Variants in TMEM268 observed in about 807,000 individuals in gnomAD.
TMEM268 encodes transmembrane protein C9orf91.
TMEM268 carries 24 observed loss-of-function variants against 39.1 expected under a neutral mutation model. The ratio of observed to expected loss-of-function variants is 0.61; its 90% CI spans 0.44 to 0.86. The LOEUF (loss-of-function observed/expected upper bound fraction) is 0.86, where lower values mean the gene tolerates loss of function less well. Ranked by LOEUF, TMEM268 falls within the 40% of genes least tolerant of loss-of-function variation. TMEM268 has a pLI of 0.00. For synonymous variants in TMEM268, 176 were observed against 173.5 expected (o/e 1.01, Z -0.12); for missense variants, 409 against 428.6 (o/e 0.95, Z 0.40).
At chr9:114,608,132 A>G (rs1362990444), upstream of TMEM268, among the ~76,000 whole-genome samples, 1 of 152,162 alleles carries the variant, frequency 6.6e-6, no homozygotes, top group Non-Finnish European at 1.5e-5. Context: ...TCTCCATTCT[A>G]CATGAGCACC....
At chr9:114,619,666 C>T (rs1027435644) in intron 2 of TMEM268, among the ~76,000 whole-genome samples, 22 of 152,168 alleles carry the variant, frequency 1.4e-4, no homozygotes, top group Admixed American at 3.3e-4. Flanking sequence ...ACCTTCCCTT[C>T]TTGCTTCTTG....
upstream of TMEM268, among the ~76,000 whole-genome samples, chr9:114,610,145 T>G (rs62578854): frequency 0.084 from 12,747 of 152,110 alleles, 596 homozygotes; most frequent in South Asian, 0.14. Flanking sequence ...GTTCAAGCGA[T>G]TCTCCTGCCT....
chr9:114,631,976 G>T lies in TMEM268; in HGVS notation c.475-1792G>T, dbSNP rs1450916695. Among the ~76,000 whole-genome samples, 10 of 151,648 alleles carry T rather than the reference G, an allele frequency of 6.6e-5. No individual in the cohort carries two copies. In the Admixed American group the frequency reaches 6.6e-4, roughly 10 times the overall value. On this transcript the variant is annotated intron_variant, in intron 5 of 8. Transcript: ENST00000288502. ...GTTAGCTGAGTGTGGTGGCATGCATGTGTGGTCCCAGCTGCTTGGGAGGCT... is the reference window on the plus strand; with the variant it reads ...GTTAGCTGAGTGTGGTGGCATGCATTTGTGGTCCCAGCTGCTTGGGAGGCT...
Position 114,643,389 on chromosome 9 carries a change from G to A in TMEM268, c.*76G>A. 7.4e-7 allele frequency: 1 copy of A among 1,357,050 alleles called. No homozygotes were observed. The allele number at this position is 1,357,050 out of a possible 1,614,324, so 84.1% of individuals were successfully genotyped here. A position where few individuals can be genotyped will look rare whatever the true frequency, so the allele number is the denominator to read the frequency against. On this transcript the variant is annotated 3_prime_UTR_variant, in exon 9 of 9. Transcript: ENST00000288502. ...CTTCAGGAGCCCAAGATGGCCAATGGGGAGCCCCAGGTGAGGAGAGAAGCA... is the reference window on the plus strand; with the variant it reads ...CTTCAGGAGCCCAAGATGGCCAATGAGGAGCCCCAGGTGAGGAGAGAAGCA...
chr9:114,616,442 T>C (rs1296085312), intron 1 of TMEM268, among the ~76,000 whole-genome samples: 13 of 152,172 alleles, frequency 8.5e-5, no homozygotes, highest in Non-Finnish European at 1.5e-5. Context: ...CTCAGCTCAC[T>C]GCAACCTCTG....
At chr9:114,639,956 C>G (rs1846821944) in intron 8 of TMEM268, among the ~76,000 whole-genome samples, 2 of 150,068 alleles carry the variant, frequency 1.3e-5, no homozygotes, top group Non-Finnish European at 3.0e-5. Context: ...TACCATGTTG[C>G]CAAGGCTTGT....
At chr9:114,605,013 A>G in the TMEM268 span, among the ~76,000 whole-genome samples, 1 of 152,310 alleles carries the variant, frequency 6.6e-6, no homozygotes, top group South Asian at 2.1e-4. Flanking sequence ...TGGACTGGGT[A>G]CTTGGCTTCC....
At chr9:114,605,661 C>T in the TMEM268 span, among the ~76,000 whole-genome samples, 6 of 152,062 alleles carry the variant, frequency 3.9e-5, no homozygotes, top group Non-Finnish European at 5.9e-5. Context: ...TGGCTGACAC[C>T]TATAATCCTA....
At position 114,626,934 on chromosome 9, in the gene TMEM268, T is replaced by A; in HGVS notation, c.252T>A (p.Ser84Arg). The A allele has an allele frequency of 6.2e-7, 1 of 1,613,664 alleles. No individual in the cohort carries two copies. The highest frequency in any genetic ancestry group is 8.5e-7 in the Non-Finnish European group (1 of 1,179,652). ...PADQYRSLAE[S>R]ALLEPQVRRY... Reference sequence around the variant, plus strand: ...ACCAGTACAGGAGCTTGGCTGAGAGTGCCCTCTTGGAGCCCCAAGTGAGAA... The same window carrying A: ...ACCAGTACAGGAGCTTGGCTGAGAGAGCCCTCTTGGAGCCCCAAGTGAGAA... Residue 84 changes from serine to arginine, a missense_variant, in exon 4 of 9, where the codon AGT becomes AGA. Coordinates refer to ENST00000288502, the MANE Select transcript of TMEM268 (RefSeq NM_153045.4).
intron 2 of TMEM268, among the ~76,000 whole-genome samples, chr9:114,621,864 AGGG>A (rs1450141737): frequency 3.3e-5 from 5 of 152,198 alleles, no homozygotes; most frequent in Non-Finnish European, 5.9e-5. Flanking sequence ...AGTTTTCCTA[AGGG>A]CTGGAAGAAC....
intron 5 of TMEM268, 134 bp from the exon 6 acceptor site, chr9:114,633,634 G>A (rs1321057351): frequency 1.9e-5 from 9 of 469,300 alleles, no homozygotes; most frequent in African/African-American, 1.4e-4. Context: ...AATAGGGGAG[G>A]AAATGGGACA....
At chr9:114,636,664 C>A (rs978231348) in intron 6 of TMEM268, among the ~76,000 whole-genome samples, 1 of 152,022 alleles carries the variant, frequency 6.6e-6, no homozygotes, top group African/African-American at 2.4e-5. Flanking sequence ...CCACACCCAG[C>A]TAATTTTTTG....
At chr9:114,607,611 C>A (rs1375427369), upstream of TMEM268, among the ~76,000 whole-genome samples, 3 of 152,064 alleles carry the variant, frequency 2.0e-5, no homozygotes, top group African/African-American at 7.2e-5. Flanking sequence ...GCCAAGATCG[C>A]GCTGCTGTAC....
chr9:114,627,128 G>C, intron 4 of TMEM268, 122 bp downstream of exon 4: 1 of 648,756 alleles, frequency 1.5e-6, no homozygotes. Flanking sequence ...TGGCCCAGGT[G>C]CCTGGAAACG....
At chr9:114,631,974 A>G (rs967663812) in intron 5 of TMEM268, among the ~76,000 whole-genome samples, 2 of 151,602 alleles carry the variant, frequency 1.3e-5, no homozygotes, top group Non-Finnish European at 2.9e-5. Flanking sequence ...GGTGGCATGC[A>G]TGTGTGGTCC....
intron 5 of TMEM268, among the ~76,000 whole-genome samples, chr9:114,628,725 A>G (rs143546549): frequency 1.6e-4 from 25 of 152,148 alleles, no homozygotes; most frequent in African/African-American, 5.8e-4. Flanking sequence ...TAATCCCAGC[A>G]ATGACCTTTG....
At chr9:114,632,923 G>A (rs756015) in intron 5 of TMEM268, among the ~76,000 whole-genome samples, 20,200 of 152,184 alleles carry the variant, frequency 0.13, 1,905 homozygotes, top group African/African-American at 0.27. Flanking sequence ...AAGCAGCAGA[G>A]CTGGGCTTTA....
chr9:114,638,678 A>G lies in TMEM268; in HGVS notation c.801A>G (p.Pro267=), dbSNP rs1037979964. Residue 267 remains proline, a synonymous_variant, in exon 8 of 9, where the codon CCA becomes CCG. Coordinates refer to ENST00000288502, the MANE Select transcript of TMEM268 (RefSeq NM_153045.4). ...LPGNSCPNER[P]LMQTELHQLV... ...GCAATTCTTGTCCTAACGAGAGGCC[A>G]CTCATGCAGACTGAGCTTCATCAGC... is the stretch of plus-strand genomic sequence containing the variant. 5.6e-6 allele frequency: 9 copies of G among 1,604,730 alleles called. No homozygotes were observed. The highest frequency in any genetic ancestry group is 1.3e-5 in the African/African-American group (1 of 74,498).
the TMEM268 span, among the ~76,000 whole-genome samples, chr9:114,605,143 C>G: frequency 6.6e-6 from 1 of 152,166 alleles, no homozygotes; most frequent in Admixed American, 6.5e-5. Context: ...AAAAGCTGTT[C>G]AACAGAAAAG....
Sources: gnomAD v4.1 joint callset for allele counts (sites outside exome capture counted in the v4.1 genomes callset) on GRCh38, gnomAD v4.1.1 for gene constraint, MANE v1.5 for transcripts, NCBI Gene and HGNC (gene_info 2026-07-23, HGNC 2026-07-21) for gene names.